Variants in TRPM2 observed in about 807,000 individuals in gnomAD.
TRPM2 encodes the protein transient receptor potential cation channel subfamily M member 2.
In TRPM2, 161 loss-of-function variants were observed where a neutral mutation model predicts 174.0. The ratio of observed to expected loss-of-function variants is 0.93; its 90% CI spans 0.81 to 1.05. TRPM2 has a LOEUF of 1.05. TRPM2 is among the 50% of genes least tolerant of loss of function. The pLI, the probability that TRPM2 is intolerant of heterozygous loss-of-function variation, is 0.00. For synonymous variants in TRPM2, 954 were observed against 861.3 expected, an observed-to-expected ratio of 1.11 and a Z score of -1.88; for missense variants, 2,057 against 2,038.0, an observed-to-expected ratio of 1.01 and a Z score of -0.18.
intron 20 of TRPM2, chr21:44,416,560 A>G (rs530266338): frequency 5.7e-6 from 1 of 176,188 alleles, no homozygotes; most frequent in Admixed American, 6.1e-5. Context: ...AGTGCCAGAC[A>G]GTGTCTGTCT....
intron 5 of TRPM2, among the ~76,000 whole-genome samples, chr21:44,371,799 A>G (rs2048549486): frequency 6.6e-6 from 1 of 152,188 alleles, no homozygotes. Flanking sequence ...CTGACCTCAA[A>G]GATTTCTGTC....
At chr21:44,426,478 G>A (rs1004545792) in intron 25 of TRPM2, among the ~76,000 whole-genome samples, 182 bp from the exon 26 acceptor site, 3 of 151,770 alleles carry the variant, frequency 2.0e-5, no homozygotes, top group African/African-American at 7.3e-5. Flanking sequence ...CCCAGCCCCC[G>A]GCCCTGCCCA....
At chr21:44,441,598 C>A in intron 31 of TRPM2, 94 bp from the exon 32 acceptor site, 1 of 1,431,876 alleles carries the variant, frequency 7.0e-7, no homozygotes, top group Non-Finnish European at 9.2e-7. Context: ...GGAGGGTGTG[C>A]AGGCCCCAAG....
upstream of TRPM2, among the ~76,000 whole-genome samples, chr21:44,351,782 T>C (rs1424316819): frequency 1.3e-5 from 2 of 152,202 alleles, no homozygotes; most frequent in African/African-American, 4.8e-5. Flanking sequence ...GGCTCCTGGC[T>C]GCCTCCTGCA....
chr21:44,355,833 C>T (rs371428461), intron 2 of TRPM2, among the ~76,000 whole-genome samples: 3 of 150,934 alleles, frequency 2.0e-5, no homozygotes, highest in Admixed American at 6.6e-5. Flanking sequence ...GCTGTCCCTC[C>T]GCATCCCTGG....
rs939175308 is a variant in TRPM2 at position 44,438,012 on chromosome 21, G to C, written c.4167+845G>C. Among the ~76,000 whole-genome samples, 3 of 152,244 alleles carry C rather than the reference G, an allele frequency of 2.0e-5. No individual in the cohort carries two copies. The highest frequency in any genetic ancestry group is 2.1e-4 in the South Asian group (1 of 4,836). The stretch of plus-strand genomic sequence containing the variant: ...TGCATTTCTCTGACCCCGAGCTCAC[G>C]GCCTGGTGGCTGCCTCTGCTGCTGT... On this transcript the variant is annotated intron_variant, in intron 29 of 31. Transcript: ENST00000397928. The surrounding 1 kb of genome is among the most constrained non-coding windows in gnomAD (Gnocchi z 5.9).
Position 44,354,551 on chromosome 21 carries a change from G to A in TRPM2, c.166-97G>A. 1.8e-6 allele frequency: 2 copies of A among 1,094,580 alleles called. No individual in the cohort carries two copies. Among genetic ancestry groups the A allele is most frequent in the Non-Finnish European group, 1.4e-6 (1 of 716,890 alleles). 67.8% of individuals were successfully genotyped at this position (1,094,580 alleles called of 1,614,324 possible). A position where few individuals can be genotyped will look rare whatever the true frequency, so the allele number is the denominator to read the frequency against. ...CAGGCTTCCTTCCTTCAAGCAAATA[G>A]TGTGAAAGCTCCTCAAGGAGCTCAG... On this transcript the variant is annotated intron_variant, in intron 1 of 31. Coordinates refer to ENST00000397928, the MANE Select transcript of TRPM2 (RefSeq NM_003307.4). This position sits in a 1 kb window ranked among gnomAD's most constrained non-coding sequence, Gnocchi z 4.3.
At chr21:44,381,158 A>G (rs1290691309) in intron 8 of TRPM2, among the ~76,000 whole-genome samples, 1 of 152,020 alleles carries the variant, frequency 6.6e-6, no homozygotes, top group African/African-American at 2.4e-5. Flanking sequence ...AGGTGAGGGC[A>G]GAGTCTATGT....
In TRPM2 at chr21:44,437,046, G is replaced by A. The variant is rs2051296679; in HGVS notation, c.4062-16G>A. 2 of 1,548,482 alleles carry A rather than the reference G, an allele frequency of 1.3e-6. No homozygotes were observed. Among genetic ancestry groups the A allele is most frequent in the African/African-American group, 1.4e-5 (1 of 73,018 alleles). On this transcript the variant is annotated splice_polypyrimidine_tract_variant and intron_variant, in intron 28 of 31. Coordinates refer to ENST00000397928, the MANE Select transcript of TRPM2 (RefSeq NM_003307.4). The stretch of plus-strand genomic sequence containing the variant: ...CCGCAGCGGGTCCTGGGCAGCCATG[G>A]CCGCTCTCTCCGCAGGTGGAGGCGG...
In TRPM2 at chr21:44,404,598, CGTGATGATA is replaced by C. The variant is rs536112131; in HGVS notation, c.2539-529_2539-521del. On this transcript the variant is annotated intron_variant, in intron 16 of 31. Coordinates refer to ENST00000397928, the MANE Select transcript of TRPM2 (RefSeq NM_003307.4). ...AGAACCAATGTTCGGATTTGCTGAC[CGTGATGATA>C]GTGATGATAGTGATAGTGATGATAG... 3.4e-3 allele frequency among the ~76,000 whole-genome samples: 514 copies of C among 152,212 alleles called. 3 individuals carry two copies. Among genetic ancestry groups the C allele is most frequent in the African/African-American group, 0.011 (471 of 41,508 alleles).
intron 9 of TRPM2, among the ~76,000 whole-genome samples, chr21:44,385,568 CTT>C (rs1476564182): frequency 6.6e-6 from 1 of 152,182 alleles, no homozygotes; most frequent in Non-Finnish European, 1.5e-5. Flanking sequence ...AGAAATAAAA[CTT>C]ATAAATTGGG....
intron 5 of TRPM2, among the ~76,000 whole-genome samples, chr21:44,374,064 G>A (rs2048623572): frequency 6.6e-6 from 1 of 151,130 alleles, no homozygotes; most frequent in South Asian, 2.1e-4. Context: ...AGGCTGGAGT[G>A]CAGTGGTGCG....
chr21:44,409,009 A>G (rs1033483710), intron 19 of TRPM2, among the ~76,000 whole-genome samples: 1 of 151,928 alleles, frequency 6.6e-6, no homozygotes, highest in Non-Finnish European at 1.5e-5. Context: ...GTTGTCTTTT[A>G]TATTATTGAG....
intron 27 of TRPM2, among the ~76,000 whole-genome samples, chr21:44,427,742 G>C (rs3788123): frequency 2.0e-5 from 3 of 152,268 alleles, no homozygotes; most frequent in East Asian, 1.9e-4. Context: ...AGGACGGGGG[G>C]ACTGCGTGGC....
chr21:44,410,334 A>G (rs112749230), intron 19 of TRPM2, among the ~76,000 whole-genome samples: 16 of 41,018 alleles, frequency 3.9e-4, no homozygotes, highest in South Asian at 1.4e-3. Flanking sequence ...AGTTTTGACC[A>G]CACTGTCTTG....
Position 44,436,574 on chromosome 21 carries a change from A to G in TRPM2, c.4062-488A>G, listed in dbSNP as rs528041844. 4.3e-4 allele frequency among the ~76,000 whole-genome samples: 10 copies of G among 23,480 alleles called. No individual in the cohort carries two copies. In the East Asian group the frequency reaches 0.014, roughly 33 times the overall value. 15.4% of individuals were successfully genotyped at this position (23,480 alleles called of 152,430 possible). ...GCACTTGGCACCCCACGTCACCCCCATGTCACCCCCATGTCAACCCTGGGC... is the reference window on the plus strand; with the variant it reads ...GCACTTGGCACCCCACGTCACCCCCGTGTCACCCCCATGTCAACCCTGGGC... On this transcript the variant is annotated intron_variant, in intron 28 of 31. Transcript: ENST00000397928.
intron 9 of TRPM2, among the ~76,000 whole-genome samples, chr21:44,383,787 T>C (rs1215069549): frequency 6.6e-6 from 1 of 151,730 alleles, no homozygotes; most frequent in Non-Finnish European, 1.5e-5. Context: ...AAAGAAGAAA[T>C]CAAAAAGGAA....
At chr21:44,440,661 G>A in intron 30 of TRPM2, 128 bp from the exon 31 acceptor site, 1 of 802,446 alleles carries the variant, frequency 1.2e-6, no homozygotes, top group Non-Finnish European at 2.1e-6. Flanking sequence ...GCTGGGGAGA[G>A]CTGGGCCGGG....
intron 4 of TRPM2, 186 bp from the exon 5 acceptor site, chr21:44,368,991 C>A: frequency 1.8e-6 from 1 of 567,722 alleles, no homozygotes; most frequent in Non-Finnish European, 2.9e-6. Context: ...CCTGTTCCCA[C>A]CCCACCTGAG....
Sources: allele counts gnomAD v4.1 joint callset (sites outside exome capture counted in the v4.1 genomes callset), GRCh38; gene constraint gnomAD v4.1.1; non-coding constraint Gnocchi (gnomAD v3.1); transcripts MANE v1.5; gene names NCBI Gene and HGNC (gene_info 2026-07-23, HGNC 2026-07-21).